Variants in CNTN4 observed in about 807,000 individuals in gnomAD.
The protein encoded by CNTN4 is contactin-4.
CNTN4 carries 77 observed loss-of-function variants against 122.5 expected under a neutral mutation model. The ratio of observed to expected loss-of-function variants is 0.63; its 90% CI spans 0.52 to 0.76. The LOEUF (loss-of-function observed/expected upper bound fraction) is 0.76, where lower values mean the gene tolerates loss of function less well. Among genes scored for constraint, CNTN4 ranks in the 30% least tolerant of loss-of-function variants. The probability of loss-of-function intolerance (pLI) is 0.00; values close to 1 mark genes in which losing one functional copy is unlikely to be tolerated. For synonymous variants in CNTN4, 512 were observed against 447.0 expected (o/e 1.15, Z -1.83); for missense variants, 1,256 against 1,259.1 (o/e 1.00, Z 0.04).
At chr3:2,288,990 T>G (rs926875329) in intron 2 of CNTN4, among the ~76,000 whole-genome samples, 16 of 152,138 alleles carry the variant, frequency 1.1e-4, no homozygotes, top group Non-Finnish European at 2.9e-5. Flanking sequence ...AGAACCATCT[T>G]AAGGTCTGAA....
chr3:2,658,874 G>A (rs1337066721), intron 4 of CNTN4, among the ~76,000 whole-genome samples: 3 of 151,814 alleles, frequency 2.0e-5, no homozygotes, highest in African/African-American at 7.3e-5. Flanking sequence ...TCCAGAAAGG[G>A]ATAAGCTGCA....
chr3:2,359,790 C>G (rs10212282), intron 3 of CNTN4, among the ~76,000 whole-genome samples: 2,529 of 152,262 alleles, frequency 0.017, 71 homozygotes, highest in African/African-American at 0.058. Context: ...CCACCCGCCT[C>G]GGCCTCCCAA....
At chr3:2,854,322 G>C (rs1228254314) in intron 7 of CNTN4, among the ~76,000 whole-genome samples, 1 of 138,810 alleles carries the variant, frequency 7.2e-6, no homozygotes, top group African/African-American at 2.8e-5. Flanking sequence ...GCCCAGGCTG[G>C]AGTGCAGTGG....
At position 3,038,259 on chromosome 3, in the gene CNTN4, A is replaced by G. The variant is rs1452141693; in HGVS notation, c.2093-674A>G. On this transcript the variant is annotated intron_variant, in intron 18 of 24. Transcript: ENST00000418658. ...AACCATAATTGAATTAATTCCCCTC[A>G]GCAATCCTGAGGTGGAAGCTCGCAT... Among the ~76,000 whole-genome samples the G allele has an allele frequency of 2.0e-5, 3 of 152,228 alleles. No individual in the cohort carries two copies. The East Asian group carries it at 5.8e-4, about 29-fold the overall frequency.
At chr3:2,467,697 A>T (rs1020031301) in intron 3 of CNTN4, among the ~76,000 whole-genome samples, 1 of 152,226 alleles carries the variant, frequency 6.6e-6, no homozygotes, top group African/African-American at 2.4e-5. Flanking sequence ...TCAGTAATTA[A>T]TTAATTAAAA....
intron 14 of CNTN4, among the ~76,000 whole-genome samples, chr3:3,001,473 C>T (rs1282269091): frequency 6.6e-6 from 1 of 152,180 alleles, no homozygotes; most frequent in African/African-American, 2.4e-5. Flanking sequence ...GGGTTACAAA[C>T]TGGTAGCTCT....
chr3:2,357,788 C>T (rs1159755240), intron 3 of CNTN4, among the ~76,000 whole-genome samples: 1 of 152,160 alleles, frequency 6.6e-6, no homozygotes, highest in Non-Finnish European at 1.5e-5. Flanking sequence ...CGTAATTTAG[C>T]TTTGATTAAT....
chr3:2,527,535 A>T (rs1306790025), intron 3 of CNTN4, among the ~76,000 whole-genome samples: 1 of 152,166 alleles, frequency 6.6e-6, no homozygotes, highest in Non-Finnish European at 1.5e-5. Context: ...AAGTGTGTTG[A>T]GGAGATGGGA....
At chr3:2,244,493 A>G (rs1308474956) in intron 2 of CNTN4, among the ~76,000 whole-genome samples, 3 of 152,118 alleles carry the variant, frequency 2.0e-5, no homozygotes, top group African/African-American at 7.2e-5. Context: ...GTTTCAGAAG[A>G]TAAGTACAAA....
intron 4 of CNTN4, among the ~76,000 whole-genome samples, chr3:2,658,172 C>T (rs1488561823): frequency 2.6e-5 from 4 of 151,552 alleles, no homozygotes; most frequent in East Asian, 3.9e-4. Flanking sequence ...ACAGGAAGTT[C>T]GCACCTTTTG....
At chr3:3,031,572 C>T (rs762420811) in intron 16 of CNTN4, among the ~76,000 whole-genome samples, 38 of 126,762 alleles carry the variant, frequency 3.0e-4, no homozygotes, top group Non-Finnish European at 5.5e-4. Context: ...CTAATTTGGA[C>T]CTAAGAGCTA....
intron 2 of CNTN4, chr3:2,132,233 C>T (rs2034485452): frequency 6.6e-6 from 1 of 152,168 alleles, no homozygotes; most frequent in African/African-American, 2.4e-5. Context: ...GTGTGCCAGA[C>T]ATGTAAATTA....
intron 2 of CNTN4, among the ~76,000 whole-genome samples, chr3:2,252,978 T>G (rs2040434166): frequency 6.6e-6 from 1 of 152,094 alleles, no homozygotes; most frequent in Non-Finnish European, 1.5e-5. Flanking sequence ...CACAAAAGAA[T>G]ACCAGTAATA....
At chr3:2,609,481 A>T (rs2081392017) in intron 4 of CNTN4, among the ~76,000 whole-genome samples, 1 of 152,228 alleles carries the variant, frequency 6.6e-6, no homozygotes. Flanking sequence ...GTATTTTGTT[A>T]TAGCAGCAGG....
intron 2 of CNTN4, among the ~76,000 whole-genome samples, chr3:2,134,112 G>A (rs2034576524): frequency 6.6e-6 from 1 of 152,126 alleles, no homozygotes; most frequent in Non-Finnish European, 1.5e-5. Context: ...GGAATGTACC[G>A]ACCTCCATTA....
chr3:2,629,973 G>A (rs1343931746), intron 4 of CNTN4, among the ~76,000 whole-genome samples: 2 of 152,080 alleles, frequency 1.3e-5, no homozygotes, highest in African/African-American at 2.4e-5. Flanking sequence ...CTCTTTACCT[G>A]GAGCCAGAAA....
intron 3 of CNTN4, among the ~76,000 whole-genome samples, chr3:2,528,428 T>C (rs1004761386): frequency 6.6e-6 from 1 of 152,152 alleles, no homozygotes; most frequent in African/African-American, 2.4e-5. Context: ...AACACAGTTA[T>C]ACACCAGAGA....
chr3:2,114,687 C>T (rs188539360), intron 2 of CNTN4, among the ~76,000 whole-genome samples: 1 of 152,214 alleles, frequency 6.6e-6, no homozygotes, highest in Non-Finnish European at 1.5e-5. Flanking sequence ...TGCATCATGG[C>T]TTTGTGCAAA....
At chr3:2,346,856 C>T (rs2044415561) in intron 3 of CNTN4, among the ~76,000 whole-genome samples, 1 of 152,190 alleles carries the variant, frequency 6.6e-6, no homozygotes, top group Non-Finnish European at 1.5e-5. Context: ...TTTCCAACCT[C>T]AGGACACACT....
Sources: gnomAD v4.1 joint callset for allele counts (sites outside exome capture counted in the v4.1 genomes callset) on GRCh38, gnomAD v4.1.1 for gene constraint, MANE v1.5 for transcripts, NCBI Gene and HGNC (gene_info 2026-07-23, HGNC 2026-07-21) for gene names.